The following ZC3H6 variants were observed in gnomAD, a reference collection of about 807,000 sequenced individuals.
ZC3H6 encodes zinc finger CCCH-type containing 6, also known as zinc finger CCCH domain-containing protein 6.
A neutral mutation model predicts 107.7 loss-of-function variants in ZC3H6; 40 were observed. That is an observed-to-expected ratio of 0.37 (90% CI 0.29 to 0.48). ZC3H6 has a LOEUF of 0.48. ZC3H6 is among the 20% of genes least tolerant of loss of function. The probability of loss-of-function intolerance (pLI) is 0.98; values close to 1 mark genes in which losing one functional copy is unlikely to be tolerated. For synonymous variants in ZC3H6, 493 were observed against 487.9 expected, an observed-to-expected ratio of 1.01 and a Z score of -0.14; for missense variants, 1,267 against 1,410.4, an observed-to-expected ratio of 0.90 and a Z score of 1.63.
chr2:112,328,966 G>A (rs1016287450), intron 11 of ZC3H6, among the ~76,000 whole-genome samples: 3 of 150,486 alleles, frequency 2.0e-5, no homozygotes, highest in Non-Finnish European at 4.4e-5. Flanking sequence ...GTAATCTTTC[G>A]ATAGTCTTAA....
Position 112,332,314 on chromosome 2 carries a change from T to C in ZC3H6, c.3396T>C (p.Leu1132=), listed in dbSNP as rs763907021. 1.2e-5 allele frequency: 19 copies of C among 1,613,820 alleles called. No individual in the cohort carries two copies. Among genetic ancestry groups the C allele is most frequent in the Non-Finnish European group, 1.4e-5 (16 of 1,179,868 alleles). The part of the protein sequence containing the change: ...GKVQVPAVHS[L]PVQALTGLIR... ...TTCAGGTCCCAGCAGTGCACAGCCT[T>C]CCTGTTCAGGCATTAACAGGCTTAA... The change falls in exon 12 of 12, where the codon CTT becomes CTC. Residue 1132 remains leucine, a synonymous_variant. Coordinates refer to ENST00000409871, the MANE Select transcript of ZC3H6 (RefSeq NM_198581.3).
Position 112,331,004 on chromosome 2 carries a change from G to A in ZC3H6, c.2087-1G>A, listed in dbSNP as rs1422871697. 1.4e-6 allele frequency: 2 copies of A among 1,471,658 alleles called. No homozygotes were observed. Among genetic ancestry groups the A allele is most frequent in the African/African-American group, 1.4e-5 (1 of 69,994 alleles). The allele number at this position is 1,471,658 out of a possible 1,614,324, so 91.2% of individuals were successfully genotyped here. ...TATAATAAGTTTTTGTCTGCATTTA[G>A]ATGATACAGTTAACTGGTATTCCAG... On this transcript the variant is annotated splice_acceptor_variant, in intron 11 of 11. Transcript: ENST00000409871. LOFTEE classifies it high-confidence loss of function.
At chr2:112,281,406 A>C (rs183098937) in intron 1 of ZC3H6, among the ~76,000 whole-genome samples, 11 of 152,180 alleles carry the variant, frequency 7.2e-5, no homozygotes, top group African/African-American at 2.4e-4. Flanking sequence ...GAGGGACAGG[A>C]TCCTCTATGG....
In ZC3H6 at chr2:112,303,337, A is replaced by C. The variant is rs2104707573; in HGVS notation, c.322A>C (p.Ile108Leu). The C allele has an allele frequency of 6.2e-7, 1 of 1,612,042 alleles. No homozygotes were observed. Among genetic ancestry groups the C allele is most frequent in the Non-Finnish European group, 8.5e-7 (1 of 1,179,006 alleles). Residue 108 changes from isoleucine to leucine, a missense_variant, in exon 3 of 12, where the codon ATT becomes CTT. This residue lies in a region of ZC3H6 where 337 missense variants were observed against 361.2 expected (regional missense o/e 0.93). Transcript: ENST00000409871. Reference protein sequence around the residue: ...KRTGFYRDYDIPFTQRGHISG... With the variant: ...KRTGFYRDYDLPFTQRGHISG... ...AACTGGTTTCTACAGGGATTATGAC[A>C]TTCCATTTACTCAGGTATTGCCATT...
chr2:112,314,789 A>G (rs1239400457), intron 5 of ZC3H6, among the ~76,000 whole-genome samples: 1 of 152,160 alleles, frequency 6.6e-6, no homozygotes, highest in Non-Finnish European at 1.5e-5. Flanking sequence ...AAATTTATAT[A>G]GATTTGAGAC....
At chr2:112,286,014 G>A (rs886412908) in intron 1 of ZC3H6, 1 of 226,198 alleles carries the variant, frequency 4.4e-6, no homozygotes, top group African/African-American at 2.3e-5. Context: ...ATGATTAATA[G>A]ATGATTTATT....
intron 1 of ZC3H6, among the ~76,000 whole-genome samples, chr2:112,290,609 C>CGTATT (rs1676094483): frequency 6.7e-6 from 1 of 150,204 alleles, no homozygotes; most frequent in Admixed American, 6.6e-5. Context: ...TGTATCCCCA[C>CGTATT]TGAGAACATG....
intron 3 of ZC3H6, among the ~76,000 whole-genome samples, chr2:112,303,906 G>T (rs1467246516): frequency 6.6e-6 from 1 of 152,024 alleles, no homozygotes; most frequent in Non-Finnish European, 1.5e-5. Flanking sequence ...AGTTTATTGG[G>T]GTATATATTT....
At chr2:112,330,055 G>GTTT (rs796884389) in intron 11 of ZC3H6, among the ~76,000 whole-genome samples, 2 of 142,782 alleles carry the variant, frequency 1.4e-5, no homozygotes, top group African/African-American at 2.6e-5. Flanking sequence ...AGGATGGTAG[G>GTTT]TTTTTTTTTT....
chr2:112,284,159 G>A (rs1466069786), intron 1 of ZC3H6, among the ~76,000 whole-genome samples: 1 of 151,612 alleles, frequency 6.6e-6, no homozygotes, highest in Admixed American at 6.6e-5. Context: ...GTGCTTCTGT[G>A]TGGGGTTGAG....
At chr2:112,293,691 G>A (rs1179587807) in intron 1 of ZC3H6, among the ~76,000 whole-genome samples, 1 of 152,180 alleles carries the variant, frequency 6.6e-6, no homozygotes, top group African/African-American at 2.4e-5. Flanking sequence ...TTAGTTTAAG[G>A]ATTAATCAAG....
intron 1 of ZC3H6, among the ~76,000 whole-genome samples, chr2:112,288,974 T>C (rs534502064): frequency 6.6e-6 from 1 of 152,120 alleles, no homozygotes; most frequent in African/African-American, 2.4e-5. Context: ...TCTTTGAGCG[T>C]TCCTCTTCTC....
At position 112,333,626 on chromosome 2, in the gene ZC3H6, G is replaced by A. The variant is rs897355349; in HGVS notation, c.*1138G>A. 6.6e-6 allele frequency: 1 copy of A among 151,958 alleles called. No individual in the cohort carries two copies. The highest frequency in any genetic ancestry group is 2.4e-5 in the African/African-American group (1 of 41,386). 9.4% of individuals were successfully genotyped at this position (151,958 alleles called of 1,614,324 possible). ...TGAAAAATAACTTGTATTCATTCTT[G>A]TGTATTTATTACAATATATAAATAA... is the stretch of plus-strand genomic sequence containing the variant. On this transcript the variant is annotated 3_prime_UTR_variant, in exon 12 of 12. Coordinates refer to ENST00000409871, the MANE Select transcript of ZC3H6 (RefSeq NM_198581.3).
At chr2:112,325,234 G>C in intron 11 of ZC3H6, 37 bp downstream of exon 11, 1 of 1,595,788 alleles carries the variant, frequency 6.3e-7, no homozygotes, top group Non-Finnish European at 8.6e-7. Flanking sequence ...TTACCTATTT[G>C]GATGGGTTAA....
Position 112,332,819 on chromosome 2 carries a change from C to T in ZC3H6, c.*331C>T, listed in dbSNP as rs1191813172. On this transcript the variant is annotated 3_prime_UTR_variant, in exon 12 of 12. Transcript: ENST00000409871. ...AATCAATGTTTAGATAAATGATTGCCACTTTTTATATGGTTGTTTAGTTTC... is the reference window on the plus strand; with the variant it reads ...AATCAATGTTTAGATAAATGATTGCTACTTTTTATATGGTTGTTTAGTTTC... The T allele has an allele frequency of 5.6e-6, 1 of 178,278 alleles. No homozygotes were observed. The highest frequency in any genetic ancestry group is 2.4e-5 in the African/African-American group (1 of 42,132). 11.0% of individuals were successfully genotyped at this position (178,278 alleles called of 1,614,324 possible). A position where few individuals can be genotyped will look rare whatever the true frequency, so the allele number is the denominator to read the frequency against.
intron 1 of ZC3H6, among the ~76,000 whole-genome samples, chr2:112,290,397 C>T (rs1308133798): frequency 6.6e-6 from 1 of 152,258 alleles, no homozygotes; most frequent in African/African-American, 2.4e-5. Context: ...TTTACGACTT[C>T]CTCAGGGAAA....
rs35102517 is a variant in ZC3H6, at chr2:112,306,174, C to CT, written c.336+2839dup. ...ATTTCTATATCTGAAGTCTGTATTT[C>CT]TTTTTTTTTTTTTTTTGAGACGGAG... is the stretch of plus-strand genomic sequence containing the variant. On this transcript the variant is annotated intron_variant, in intron 3 of 11. Coordinates refer to ENST00000409871, the MANE Select transcript of ZC3H6 (RefSeq NM_198581.3). Among the ~76,000 whole-genome samples, 738 of 136,840 alleles carry CT rather than the reference C, an allele frequency of 5.4e-3. 24 individuals carry two copies. Among genetic ancestry groups the CT allele is most frequent in the East Asian group, 0.019 (88 of 4,616 alleles). 89.8% of individuals were successfully genotyped at this position (136,840 alleles called of 152,430 possible).
chr2:112,324,693 C>G, intron 10 of ZC3H6, 30 bp downstream of exon 10: 2 of 1,513,980 alleles, frequency 1.3e-6, no homozygotes, highest in South Asian at 1.3e-5. Flanking sequence ...ATAATTTATT[C>G]CTAATTTAAA....
chr2:112,331,898 G>A lies in ZC3H6; in HGVS notation c.2980G>A (p.Gly994Ser), dbSNP rs781376542. Residue 994 changes from glycine to serine, a missense_variant, in exon 12 of 12, where the codon GGT becomes AGT. Transcript: ENST00000409871. ...TATGAAGGATTCACATGCATCAAAG[G>A]GTGCCCCTCACTTACCCAGATCAAA... The part of the protein sequence containing the change: ...VVMKDSHASK[G>S]APHLPRSNPG... 1.9e-6 allele frequency: 3 copies of A among 1,613,888 alleles called. No individual in the cohort carries two copies. The highest frequency in any genetic ancestry group is 2.2e-5 in the East Asian group (1 of 44,866).
Sources: allele counts gnomAD v4.1 joint callset (sites outside exome capture counted in the v4.1 genomes callset), GRCh38; gene constraint gnomAD v4.1.1; regional missense constraint gnomAD v4.1.1; transcripts MANE v1.5; gene names NCBI Gene and HGNC (gene_info 2026-07-23, HGNC 2026-07-21).